Variants in HUWE1 observed in about 807,000 individuals in gnomAD.
HUWE1 encodes the protein E3 ubiquitin-protein ligase HUWE1.
In HUWE1, 18 loss-of-function variants were observed where a neutral mutation model predicts 299.4. The ratio of observed to expected loss-of-function variants is 0.06; its 90% CI spans 0.04 to 0.09. HUWE1 has a LOEUF of 0.09. Ranked by LOEUF, HUWE1 falls within the 10% of genes least tolerant of loss-of-function variation. The pLI, the probability that HUWE1 is intolerant of heterozygous loss-of-function variation, is 1.00. For synonymous variants in HUWE1, 1,317 were observed against 1,286.1 expected, an observed-to-expected ratio of 1.02 and a Z score of -0.51; for missense variants, 1,832 against 3,462.3, an observed-to-expected ratio of 0.53 and a Z score of 11.82.
At chrX:53,557,938 T>C (rs1180761395) in intron 59 of HUWE1, among the ~76,000 whole-genome samples, 4 of 112,072 alleles carry the variant, frequency 3.6e-5, no homozygotes, top group African/African-American at 1.3e-4. Flanking sequence ...ATTTTTAATC[T>C]ACCTGATTCC....
intron 55 of HUWE1, 137 bp from the exon 56 acceptor site, chrX:53,560,553 C>G (rs1324113069): frequency 5.6e-6 from 3 of 531,340 alleles, no homozygotes; most frequent in Non-Finnish European, 9.6e-6. Context: ...ATTCCCACAA[C>G]TCATCTACAA....
At position 53,559,274 on chromosome X, in the gene HUWE1, A is replaced by G. The variant is rs781993563; in HGVS notation, c.7915+80T>C. 26 of 1,060,182 alleles carry G rather than the reference A, an allele frequency of 2.5e-5. No individual in the cohort carries two copies. The South Asian group carries it at 4.7e-4, about 19-fold the overall frequency. 87.4% of individuals were successfully genotyped at this position (1,060,182 alleles called of 1,213,427 possible). On this transcript the variant is annotated intron_variant, in intron 57 of 83. Coordinates refer to ENST00000262854, the MANE Select transcript of HUWE1 (RefSeq NM_031407.7). The stretch of plus-strand genomic sequence containing the variant: ...ATAAAATGGGGGTTTTCTATAGGGC[A>G]GACACTGTCTTGCTTTTCCTCAGCA...
intron 63 of HUWE1, among the ~76,000 whole-genome samples, chrX:53,551,754 CCT>C (rs782296458): frequency 1.4e-4 from 16 of 111,827 alleles, no homozygotes; most frequent in Non-Finnish European, 2.6e-4. Flanking sequence ...TTCAGGTGAT[CCT>C]CTGACCTCTG....
chrX:53,628,785 C>G lies in HUWE1; in HGVS notation c.1081G>C (p.Val361Leu), dbSNP rs375177567. 12 of 1,210,178 alleles carry G rather than the reference C, an allele frequency of 9.9e-6. No individual in the cohort carries two copies. Among genetic ancestry groups the G allele is most frequent in the Non-Finnish European group, 1.3e-5 (12 of 895,044 alleles). The change falls in exon 14 of 84, where the codon GTG becomes CTG. Residue 361 changes from valine to leucine, a missense_variant. Val to Leu is a conservative substitution (Grantham distance 32). This residue lies in a region of HUWE1 where 658 missense variants were observed against 1,282.6 expected (regional missense o/e 0.51). Transcript: ENST00000262854. ...GTASYHGFLPVLVRNCIQAMI... is the reference protein window; with the variant it reads ...GTASYHGFLPLLVRNCIQAMI... Reference sequence around the variant, plus strand: ...GCCTGGATACAGTTCCTTACAAGCACTGGCAAAAATCCATGGTAGGAGGCA... The same window carrying G: ...GCCTGGATACAGTTCCTTACAAGCAGTGGCAAAAATCCATGGTAGGAGGCA...
rs184216383 is a variant in HUWE1 at position 53,634,134 on chromosome X, T to C, written c.567+102A>G. ...ATCTTAGGTTCCTCAAAGGTCTCGA[T>C]GTGAAGGCGTCACTTCATATACCAC... On this transcript the variant is annotated intron_variant, in intron 8 of 83. Transcript: ENST00000262854. 1,171 of 645,120 alleles carry C rather than the reference T, an allele frequency of 1.8e-3. 13 individuals are homozygous for C. In the African/African-American group the frequency reaches 0.022, roughly 12 times the overall value. The allele number at this position is 645,120 out of a possible 1,213,427, so 53.2% of individuals were successfully genotyped here. A position where few individuals can be genotyped will look rare whatever the true frequency, so the allele number is the denominator to read the frequency against.
intron 8 of HUWE1, 35 bp downstream of exon 8, chrX:53,634,201 G>T (rs1419986281): frequency 1.8e-6 from 2 of 1,102,748 alleles, no homozygotes; most frequent in Non-Finnish European, 1.3e-6. Context: ...CCACAGCTCT[G>T]TCAAAAGACA....
In HUWE1 at chrX:53,551,195, G is replaced by A. The variant is rs781879725; in HGVS notation, c.9097-6C>T. The A allele has an allele frequency of 1.9e-5, 23 of 1,209,851 alleles. No individual in the cohort carries two copies. The highest frequency in any genetic ancestry group is 2.5e-5 in the Non-Finnish European group (22 of 895,150). Reference sequence around the variant, plus strand: ...GCTCTCTGCTGTGCCAGTACCTATGGAGCAGAAAAAGTCAATGAGGGCATT... The same window carrying A: ...GCTCTCTGCTGTGCCAGTACCTATGAAGCAGAAAAAGTCAATGAGGGCATT... On this transcript the variant is annotated splice_polypyrimidine_tract_variant and splice_region_variant and intron_variant, in intron 64 of 83. Transcript: ENST00000262854.
At chrX:53,659,172 G>A (rs782709443) in intron 3 of HUWE1, among the ~76,000 whole-genome samples, 9 of 112,395 alleles carry the variant, frequency 8.0e-5, no homozygotes, top group African/African-American at 2.6e-4. Context: ...CTTACCACAT[G>A]ACCCAGCAAT....
chrX:53,534,731 A>C, intron 81 of HUWE1, 34 bp from the exon 82 acceptor site: 2 of 1,166,724 alleles, frequency 1.7e-6, no homozygotes, highest in Non-Finnish European at 2.3e-6. Context: ...AATGACTTCT[A>C]AACTCACACA....
chrX:53,680,815 G>A (rs1271530146), intron 2 of HUWE1: 2 of 111,909 alleles, frequency 1.8e-5, no homozygotes, highest in African/African-American at 3.3e-5. Flanking sequence ...CTTAACCCAC[G>A]GTAAAATGCA....
intron 26 of HUWE1, 121 bp downstream of exon 26, chrX:53,604,468 C>T (rs2065054106): frequency 7.5e-6 from 6 of 796,357 alleles, no homozygotes; most frequent in Admixed American, 4.9e-5. Flanking sequence ...CTAAATTGGA[C>T]TGTTCTTTTA....
At chrX:53,583,510 T>C (rs782351077) in intron 42 of HUWE1, 48 bp downstream of exon 42, 20 of 883,702 alleles carry the variant, frequency 2.3e-5, no homozygotes, top group African/African-American at 3.9e-5. Context: ...AAGGAGAACA[T>C]AGGTATGATG....
chrX:53,586,442 C>T, intron 39 of HUWE1, 48 bp downstream of exon 39: 1 of 854,899 alleles, frequency 1.2e-6, no homozygotes, highest in Middle Eastern at 2.7e-4. Context: ...TCTACTCTTG[C>T]CTCAGGAAGC....
Position 53,635,868 on chromosome X carries a change from C to G in HUWE1, c.505-1570G>C, listed in dbSNP as rs169161. Among the ~76,000 whole-genome samples the G allele has an allele frequency of 4.5e-5, 5 of 110,523 alleles. No individual in the cohort carries two copies. In the East Asian group the frequency reaches 1.4e-3, roughly 31 times the overall value. On this transcript the variant is annotated intron_variant, in intron 7 of 83. Transcript: ENST00000262854. ...CTGAAGATGCCAGTCACAAAGGTAC[C>G]TACTATAGAATGCTATTTCTAAACC...
intron 12 of HUWE1, among the ~76,000 whole-genome samples, chrX:53,630,018 C>T (rs182584836): frequency 1.8e-5 from 2 of 112,313 alleles, no homozygotes; most frequent in East Asian, 5.6e-4. Flanking sequence ...TGGACCATTG[C>T]AGAGTAAGTC....
At position 53,683,932 on chromosome X, in the gene HUWE1, G is replaced by T. The variant is rs951834408; in HGVS notation, c.-163+2338C>A. 25 of 284,407 alleles carry T rather than the reference G, an allele frequency of 8.8e-5. No homozygotes were observed. In the Admixed American group the frequency reaches 1.8e-3, roughly 20 times the overall value. The allele number at this position is 284,407 out of a possible 1,213,427, so 23.4% of individuals were successfully genotyped here. A position where few individuals can be genotyped will look rare whatever the true frequency, so the allele number is the denominator to read the frequency against. The stretch of plus-strand genomic sequence containing the variant: ...AACCCTGCTCCCGCGAGAATTCTCC[G>T]GCTTAGAACGGCACGAGCCGAAGAC... On this transcript the variant is annotated intron_variant, in intron 2 of 83. Coordinates refer to ENST00000262854, the MANE Select transcript of HUWE1 (RefSeq NM_031407.7).
chrX:53,683,655 A>C (rs2070309259), intron 2 of HUWE1, among the ~76,000 whole-genome samples: 1 of 111,834 alleles, frequency 8.9e-6, no homozygotes. Context: ...AACGGACAAG[A>C]AACGAGGTGG....
chrX:53,575,623 CG>C lies in HUWE1; in HGVS notation c.6030+19del. The C allele has an allele frequency of 8.3e-7, 1 of 1,204,008 alleles. No individual in the cohort carries two copies. Among genetic ancestry groups the C allele is most frequent in the Non-Finnish European group, 1.1e-6 (1 of 888,742 alleles). On this transcript the variant is annotated intron_variant, in intron 45 of 83. Coordinates refer to ENST00000262854, the MANE Select transcript of HUWE1 (RefSeq NM_031407.7). ...TTGAAAAATGAGAAGAAAGATAAAA[CG>C]CTGTTGGAATTGACTTACATTAATG...
chrX:53,576,841 C>T (rs190865080), intron 44 of HUWE1, 59 bp downstream of exon 44: 31 of 1,167,135 alleles, frequency 2.7e-5, no homozygotes, highest in Non-Finnish European at 3.1e-5. Context: ...GCTGAAATGA[C>T]CCAGGCAAAG....
Sources: allele counts gnomAD v4.1 joint callset (sites outside exome capture counted in the v4.1 genomes callset), GRCh38; gene constraint gnomAD v4.1.1; regional missense constraint gnomAD v4.1.1; transcripts MANE v1.5; gene names NCBI Gene and HGNC (gene_info 2026-07-23, HGNC 2026-07-21).